Variants in ZFAND3 observed in about 807,000 individuals in gnomAD.
ZFAND3 encodes the protein AN1-type zinc finger protein 3.
Under a neutral mutation model 29.6 loss-of-function variants are expected in ZFAND3, and 10 were observed. The observed-to-expected ratio is 0.34, with a 90% CI of 0.21 to 0.57. ZFAND3 has a LOEUF of 0.57. ZFAND3 is among the 20% of genes least tolerant of loss of function. ZFAND3 has a pLI of 0.86. For synonymous variants in ZFAND3, 128 were observed against 112.6 expected, an observed-to-expected ratio of 1.14 and a Z score of -0.87; for missense variants, 230 against 304.5, an observed-to-expected ratio of 0.76 and a Z score of 1.82.
intron 1 of ZFAND3, among the ~76,000 whole-genome samples, chr6:37,829,425 A>G (rs937198312): frequency 2.0e-5 from 3 of 151,862 alleles, no homozygotes; most frequent in Non-Finnish European, 4.4e-5. Context: ...AATCCCAGCT[A>G]CTCGGGAAGC....
At chr6:38,109,534 T>C (rs1394791784) in intron 4 of ZFAND3, among the ~76,000 whole-genome samples, 2 of 152,068 alleles carry the variant, frequency 1.3e-5, no homozygotes, top group African/African-American at 4.8e-5. Context: ...TGTTCCCCCA[T>C]GGCCCATTAG....
intron 1 of ZFAND3, among the ~76,000 whole-genome samples, chr6:37,829,637 T>TG (rs1222875449): frequency 3.9e-5 from 6 of 152,250 alleles, no homozygotes; most frequent in African/African-American, 1.4e-4. Flanking sequence ...TTTATTGATT[T>TG]GGGAGGACAT....
rs887574331 is a variant in ZFAND3, at chr6:37,819,856, CG to C, written c.-89del. ...CCCCCTCCCCCCGCCCCGAGCCCCC[CG>C]ACGCCGCCGCCACCGCCTCCTCAGA... On this transcript the variant is annotated 5_prime_UTR_variant, in exon 1 of 6. Transcript: ENST00000287218. 13 of 998,032 alleles carry C rather than the reference CG, an allele frequency of 1.3e-5. No individual in the cohort carries two copies. The African/African-American group carries it at 1.7e-4, about 13-fold the overall frequency. 61.8% of individuals were successfully genotyped at this position (998,032 alleles called of 1,614,324 possible). A position where few individuals can be genotyped will look rare whatever the true frequency, so the allele number is the denominator to read the frequency against.
intron 1 of ZFAND3, among the ~76,000 whole-genome samples, chr6:37,880,703 T>C (rs1340993498): frequency 6.6e-6 from 1 of 152,052 alleles, no homozygotes. Context: ...TTTTTAAAGC[T>C]GTATAGTTCT....
intron 2 of ZFAND3, among the ~76,000 whole-genome samples, chr6:37,982,956 C>G (rs1762604825): frequency 6.6e-6 from 1 of 151,926 alleles, no homozygotes; most frequent in Non-Finnish European, 1.5e-5. Flanking sequence ...GTTTGTGTTG[C>G]AGTTTTTAAC....
At chr6:37,859,418 A>G (rs759787066) in intron 1 of ZFAND3, among the ~76,000 whole-genome samples, 1 of 152,138 alleles carries the variant, frequency 6.6e-6, no homozygotes, top group Admixed American at 6.5e-5. Flanking sequence ...TCTTCTCTTC[A>G]TCGCTCTTCC....
intron 4 of ZFAND3, among the ~76,000 whole-genome samples, chr6:38,095,030 A>G (rs1186881609): frequency 6.6e-6 from 1 of 152,230 alleles, no homozygotes; most frequent in Non-Finnish European, 1.5e-5. Context: ...GTCAGGCTGT[A>G]ACCAGAAGCA....
intron 2 of ZFAND3, among the ~76,000 whole-genome samples, chr6:38,050,144 A>G (rs1484916809): frequency 6.6e-6 from 1 of 151,544 alleles, no homozygotes; most frequent in Non-Finnish European, 1.5e-5. Flanking sequence ...TAGTAGAGAT[A>G]GGGTTTCACC....
At chr6:37,870,462 C>T (rs1024039397) in intron 1 of ZFAND3, among the ~76,000 whole-genome samples, 18 of 151,676 alleles carry the variant, frequency 1.2e-4, no homozygotes, top group African/African-American at 4.4e-4. Flanking sequence ...ATTAGCCAGG[C>T]ATGGTGGCAC....
intron 3 of ZFAND3, among the ~76,000 whole-genome samples, chr6:38,070,225 C>T (rs1414145116): frequency 6.6e-6 from 1 of 152,042 alleles, no homozygotes; most frequent in Non-Finnish European, 1.5e-5. Context: ...GAGTTCAAGA[C>T]TAACCTGGTC....
At chr6:38,146,024 A>G (rs1348621022) in intron 5 of ZFAND3, among the ~76,000 whole-genome samples, 1 of 152,218 alleles carries the variant, frequency 6.6e-6, no homozygotes, top group East Asian at 1.9e-4. Context: ...TGGTAGCAAC[A>G]GTCAGGGAAG....
chr6:37,845,553 C>G (rs2127376515), intron 1 of ZFAND3, among the ~76,000 whole-genome samples: 1 of 152,278 alleles, frequency 6.6e-6, no homozygotes, highest in African/African-American at 2.4e-5. Flanking sequence ...GCTTAATCTT[C>G]CAAGAACTAA....
chr6:38,075,036 A>G (rs551781146), intron 3 of ZFAND3, among the ~76,000 whole-genome samples: 1 of 152,360 alleles, frequency 6.6e-6, no homozygotes, highest in Non-Finnish European at 1.5e-5. Flanking sequence ...TTCATTGACA[A>G]TACACCTTGT....
chr6:37,914,662 C>CTTTCTTTTTCTT (rs1554157822), intron 1 of ZFAND3, among the ~76,000 whole-genome samples: 1 of 62,474 alleles, frequency 1.6e-5, no homozygotes, highest in African/African-American at 6.7e-5. Flanking sequence ...TTCTTTCTTT[C>CTTTCTTTTTCTT]TTTTTTTTTC....
At chr6:38,032,139 C>G (rs1011797948) in intron 2 of ZFAND3, among the ~76,000 whole-genome samples, 5 of 152,050 alleles carry the variant, frequency 3.3e-5, no homozygotes, top group Non-Finnish European at 5.9e-5. Context: ...GGCCTGTATG[C>G]TGCATTTTTT....
chr6:37,928,580 G>C (rs1761532026), intron 1 of ZFAND3, among the ~76,000 whole-genome samples: 1 of 152,052 alleles, frequency 6.6e-6, no homozygotes, highest in Non-Finnish European at 1.5e-5. Context: ...GAGTGCAGTG[G>C]TGTGATCTCA....
chr6:37,948,589 T>G (rs990510162), intron 2 of ZFAND3, among the ~76,000 whole-genome samples: 3 of 152,200 alleles, frequency 2.0e-5, no homozygotes, highest in African/African-American at 7.2e-5. Flanking sequence ...CAATAAATAG[T>G]TTTTTGATCC....
intron 4 of ZFAND3, among the ~76,000 whole-genome samples, chr6:38,110,118 A>G (rs909969951): frequency 6.6e-6 from 1 of 152,186 alleles, no homozygotes; most frequent in Admixed American, 6.5e-5. Flanking sequence ...GAGTATTTCA[A>G]GCTAGATTCG....
At chr6:38,085,997 G>A (rs1027907569) in intron 4 of ZFAND3, among the ~76,000 whole-genome samples, 6 of 152,200 alleles carry the variant, frequency 3.9e-5, no homozygotes, top group African/African-American at 7.2e-5. Flanking sequence ...TTTTGATCAG[G>A]TGAAGGGTAT....
Sources: gnomAD v4.1 joint callset for allele counts (sites outside exome capture counted in the v4.1 genomes callset) on GRCh38, gnomAD v4.1.1 for gene constraint, MANE v1.5 for transcripts, NCBI Gene and HGNC (gene_info 2026-07-23, HGNC 2026-07-21) for gene names.